Variants in TMEM40 observed in about 807,000 individuals in gnomAD.
TMEM40 encodes transmembrane protein 40.
In TMEM40, 34 loss-of-function variants were observed where a neutral mutation model predicts 40.8. That is an observed-to-expected ratio of 0.83 (90% confidence interval 0.63 to 1.11). The LOEUF is 1.11. Among genes scored for constraint, TMEM40 ranks in the 50% least tolerant of loss-of-function variants. The pLI is 0.00. For synonymous variants in TMEM40, 106 were observed against 107.0 expected (o/e 0.99, Z 0.06); for missense variants, 296 against 280.2 (o/e 1.06, Z -0.40).
chr3:12,753,625 C>T (rs1348261490), intron 1 of TMEM40, among the ~76,000 whole-genome samples: 1 of 152,166 alleles, frequency 6.6e-6, no homozygotes, highest in Non-Finnish European at 1.5e-5. Context: ...AATCTGACCC[C>T]TACCCCAACA....
At chr3:12,743,362 G>A (rs2061397924) in intron 4 of TMEM40, among the ~76,000 whole-genome samples, 1 of 152,148 alleles carries the variant, frequency 6.6e-6, no homozygotes, top group African/African-American at 2.4e-5. Context: ...AGCTACTTGG[G>A]AGGCTGAAGC....
chr3:12,763,021 G>C (rs1464569695), upstream of TMEM40, among the ~76,000 whole-genome samples: 1 of 151,754 alleles, frequency 6.6e-6, no homozygotes, highest in Non-Finnish European at 1.5e-5. Context: ...TTAGCCGGGC[G>C]TGGTGGCGGG....
At chr3:12,749,254 G>A (rs1166096154) in intron 2 of TMEM40, among the ~76,000 whole-genome samples, 1 of 152,126 alleles carries the variant, frequency 6.6e-6, no homozygotes. Context: ...TCGATCTCCT[G>A]ACCTTCTGAT....
rs1304327322 is a variant in TMEM40, at chr3:12,733,926, A to G, written c.*848T>C. On this transcript the variant is annotated 3_prime_UTR_variant, in exon 12 of 12. Transcript: ENST00000314124. ...TTTTTTTTTTTTTTTAATTTTAGAG[A>G]AACGATCTTGCTCTGTCGCCCAGGC... is the stretch of plus-strand genomic sequence containing the variant. 1.3e-5 allele frequency: 2 copies of G among 150,618 alleles called. No individual in the cohort carries two copies. Among genetic ancestry groups the G allele is most frequent in the Non-Finnish European group, 3.0e-5 (2 of 67,796 alleles). The allele number at this position is 150,618 out of a possible 1,614,324, so 9.3% of individuals were successfully genotyped here.
intron 3 of TMEM40, among the ~76,000 whole-genome samples, chr3:12,744,983 T>G (rs764244279): frequency 4.6e-5 from 7 of 152,136 alleles, no homozygotes; most frequent in Non-Finnish European, 1.0e-4. Context: ...TATTCATCAG[T>G]GCAAAAAATG....
At position 12,738,092 on chromosome 3, in the gene TMEM40, A is replaced by G. The variant is rs2061350914; in HGVS notation, c.424+44T>C. On this transcript the variant is annotated intron_variant, in intron 7 of 11. Transcript: ENST00000314124. Reference sequence around the variant, plus strand: ...CTGAGGACCCAACCCATCGTCTGGAATCCACACCCGCTCTGGCTCTCCTAT... The same window carrying G: ...CTGAGGACCCAACCCATCGTCTGGAGTCCACACCCGCTCTGGCTCTCCTAT... 5 of 1,611,756 alleles carry G rather than the reference A, an allele frequency of 3.1e-6. No individual in the cohort carries two copies. In the East Asian group the frequency reaches 1.1e-4, roughly 36 times the overall value.
intron 3 of TMEM40, among the ~76,000 whole-genome samples, chr3:12,746,674 C>T (rs752518634): frequency 2.6e-5 from 4 of 152,174 alleles, no homozygotes; most frequent in Non-Finnish European, 4.4e-5. Context: ...ACCGTAGGAT[C>T]AGGGACCAGG....
At chr3:12,746,555 T>A (rs1000603888) in intron 3 of TMEM40, among the ~76,000 whole-genome samples, 6 of 152,184 alleles carry the variant, frequency 3.9e-5, no homozygotes, top group African/African-American at 1.4e-4. Flanking sequence ...GTCCTGCATG[T>A]GAGGACGGCA....
upstream of TMEM40, among the ~76,000 whole-genome samples, chr3:12,761,217 G>C (rs1472237239): frequency 1.3e-5 from 2 of 152,350 alleles, no homozygotes; most frequent in Admixed American, 6.5e-5. Flanking sequence ...GGAGAGGGGA[G>C]AGGAGGAAGC....
chr3:12,753,185 T>C (rs1160157652), intron 1 of TMEM40, among the ~76,000 whole-genome samples: 2 of 151,428 alleles, frequency 1.3e-5, no homozygotes, highest in South Asian at 2.1e-4. Context: ...TTTTCTTTTT[T>C]GCCTTTTTTC....
intron 1 of TMEM40, among the ~76,000 whole-genome samples, chr3:12,752,989 A>G (rs2061490233): frequency 1.3e-5 from 2 of 152,040 alleles, no homozygotes. Context: ...GTGCTATGCA[A>G]ATATGCTGAC....
chr3:12,755,853 G>A (rs1056539078), intron 1 of TMEM40, among the ~76,000 whole-genome samples: 1 of 152,162 alleles, frequency 6.6e-6, no homozygotes, highest in Non-Finnish European at 1.5e-5. Flanking sequence ...GCCCAGTTGG[G>A]TTAATTTGAG....
Position 12,743,973 on chromosome 3 carries a change from G to A in TMEM40, c.228C>T (p.Asp76=), listed in dbSNP as rs1296996681. The A allele has an allele frequency of 3.1e-6, 5 of 1,612,710 alleles. No homozygotes were observed. Among genetic ancestry groups the A allele is most frequent in the Non-Finnish European group, 4.2e-6 (5 of 1,179,568 alleles). Residue 76 remains aspartate (D), a synonymous_variant, in exon 4 of 12, where the codon GAC becomes GAT. Transcript: ENST00000314124. ...GTTTTCCGGTTGCTCTGGGTTGCTG[G>A]TCCTCATCATTGCTCTCTGCGGGTA... The part of the protein sequence containing the change: ...SSSSSESNDE[D]QQPRATGKHR...
intron 1 of TMEM40, among the ~76,000 whole-genome samples, chr3:12,757,192 G>C (rs2061535487): frequency 6.6e-6 from 1 of 152,150 alleles, no homozygotes; most frequent in African/African-American, 2.4e-5. Flanking sequence ...TCACATCACT[G>C]GGTGCGGTGG....
intron 4 of TMEM40, among the ~76,000 whole-genome samples, chr3:12,742,862 T>C (rs1248773825): frequency 1.3e-5 from 2 of 152,200 alleles, no homozygotes; most frequent in African/African-American, 4.8e-5. Flanking sequence ...AAGAAGGTAT[T>C]AGTACCTACC....
intron 5 of TMEM40, chr3:12,738,913 G>T (rs1013221897): frequency 6.7e-6 from 2 of 300,112 alleles, no homozygotes; most frequent in Non-Finnish European, 1.3e-5. Context: ...CCAGCACTTT[G>T]GGAGGCCAAG....
rs547822092 is a variant in TMEM40 at position 12,734,374 on chromosome 3, C to T, written c.*400G>A. ...ACCATCCATCTCTCCCAGGATGGCT[C>T]GGTAGCACCTGAGAGCGCATGCAGA... On this transcript the variant is annotated 3_prime_UTR_variant, in exon 12 of 12. Coordinates refer to ENST00000314124, the MANE Select transcript of TMEM40 (RefSeq NM_018306.4). 52 of 181,528 alleles carry T rather than the reference C, an allele frequency of 2.9e-4. No homozygotes were observed. Among genetic ancestry groups the T allele is most frequent in the African/African-American group, 9.3e-4 (40 of 42,808 alleles). The allele number at this position is 181,528 out of a possible 1,614,324, so 11.2% of individuals were successfully genotyped here.
Position 12,748,683 on chromosome 3 carries a change from GGAGGATGAGGAGGAA to G in TMEM40, c.168_182del (p.Ser66_Ser70del). Reference sequence around the variant, plus strand: ...AGGAGGAGGAGGATGAAGAAGATGAGGAGGATGAGGAGGAAGAGGAGGAGGAGGAAGAAGACTTGT... The same window carrying G: ...AGGAGGAGGAGGATGAAGAAGATGAGGAGGAGGAGGAGGAAGAAGACTTGT... On this transcript the variant is annotated inframe_deletion, in exon 3 of 12. Transcript: ENST00000314124. 6.2e-7 allele frequency: 1 copy of G among 1,612,836 alleles called. No homozygotes were observed. The highest frequency in any genetic ancestry group is 1.7e-4 in the Middle Eastern group (1 of 6,024).
At chr3:12,748,520 G>T in intron 3 of TMEM40, 135 bp downstream of exon 3, 1 of 1,264,524 alleles carries the variant, frequency 7.9e-7, no homozygotes, top group South Asian at 1.5e-5. Flanking sequence ...CATGTAGACA[G>T]ATCGGCTCTA....
Sources: allele counts gnomAD v4.1 joint callset (sites outside exome capture counted in the v4.1 genomes callset), GRCh38; gene constraint gnomAD v4.1.1; transcripts MANE v1.5; gene names NCBI Gene and HGNC (gene_info 2026-07-23, HGNC 2026-07-21).